LRRC4C: variants seen among roughly 807,000 people sequenced by gnomAD.
LRRC4C encodes the protein leucine-rich repeat-containing protein 4C.
Under a neutral mutation model 33.6 loss-of-function variants are expected in LRRC4C, and 5 were observed. The ratio of observed to expected loss-of-function variants is 0.15; its 90% CI spans 0.08 to 0.31. LRRC4C has a LOEUF of 0.31. Ranked by LOEUF, LRRC4C falls within the 10% of genes least tolerant of loss-of-function variation. The pLI is 1.00. For synonymous variants in LRRC4C, 329 were observed against 302.0 expected (o/e 1.09, Z -0.93); for missense variants, 560 against 796.7 (o/e 0.70, Z 3.58).
At chr11:40,207,396 A>G (rs960186881) in intron 5 of LRRC4C, among the ~76,000 whole-genome samples, 1 of 152,154 alleles carries the variant, frequency 6.6e-6, no homozygotes, top group African/African-American at 2.4e-5. Flanking sequence ...CCCAGAGTTC[A>G]AAACCAGCCC....
intron 3 of LRRC4C, among the ~76,000 whole-genome samples, chr11:40,472,012 G>C (rs1056537267): frequency 2.0e-5 from 3 of 151,954 alleles, no homozygotes; most frequent in African/African-American, 4.8e-5. Flanking sequence ...AAACTCACTC[G>C]AGGCCGGGCA....
intron 1 of LRRC4C, among the ~76,000 whole-genome samples, chr11:40,986,740 G>A (rs1853038483): frequency 6.6e-6 from 1 of 152,140 alleles, no homozygotes; most frequent in Non-Finnish European, 1.5e-5. Flanking sequence ...GAACAGTGAT[G>A]AGAATTAGAG....
At chr11:40,364,550 AG>A (rs1277818037) in intron 3 of LRRC4C, among the ~76,000 whole-genome samples, 1 of 152,114 alleles carries the variant, frequency 6.6e-6, no homozygotes, top group East Asian at 1.9e-4. Context: ...AGACTAAAAA[AG>A]CAAGCAAACG....
chr11:41,079,777 T>A (rs1397107573), intron 1 of LRRC4C, among the ~76,000 whole-genome samples: 1 of 152,142 alleles, frequency 6.6e-6, no homozygotes, highest in Non-Finnish European at 1.5e-5. Flanking sequence ...ATGAGGATTT[T>A]TTTTGTGATT....
At chr11:40,441,748 G>A (rs1951405330) in intron 3 of LRRC4C, among the ~76,000 whole-genome samples, 1 of 152,154 alleles carries the variant, frequency 6.6e-6, no homozygotes, top group Non-Finnish European at 1.5e-5. Context: ...ACATTACAGG[G>A]TTGCTGTGAA....
chr11:40,220,628 A>C (rs890321043), intron 5 of LRRC4C, among the ~76,000 whole-genome samples: 7 of 152,296 alleles, frequency 4.6e-5, no homozygotes, highest in South Asian at 2.1e-4. Context: ...TTCAAACTGA[A>C]TCTAAGCTTA....
chr11:40,925,378 C>T (rs953686431), intron 2 of LRRC4C, among the ~76,000 whole-genome samples: 1 of 152,192 alleles, frequency 6.6e-6, no homozygotes, highest in African/African-American at 2.4e-5. Context: ...AGCACACTCT[C>T]TTTCTCCATT....
chr11:40,906,338 C>A (rs1396684382), intron 2 of LRRC4C, among the ~76,000 whole-genome samples: 3 of 152,130 alleles, frequency 2.0e-5, no homozygotes, highest in Non-Finnish European at 1.5e-5. Flanking sequence ...TGGTGAAACC[C>A]CATCTCTACT....
At position 40,995,308 on chromosome 11, in the gene LRRC4C, A is replaced by G. The variant is rs149697923; in HGVS notation, c.-495-61585T>C. Among the ~76,000 whole-genome samples, 117 of 152,206 alleles carry G rather than the reference A, an allele frequency of 7.7e-4. 2 individuals carry two copies. In the East Asian group the frequency reaches 0.015, roughly 20 times the overall value. On this transcript the variant is annotated intron_variant, in intron 1 of 6. Transcript: ENST00000528697. Reference sequence around the variant, plus strand: ...GAGGGAATACCTTGTTCTTATTCATATAAAAGTGCTTAAACAGGCTAGGGT... The same window carrying G: ...GAGGGAATACCTTGTTCTTATTCATGTAAAAGTGCTTAAACAGGCTAGGGT...
intron 1 of LRRC4C, among the ~76,000 whole-genome samples, chr11:41,028,988 G>A (rs866812789): frequency 6.6e-5 from 10 of 151,526 alleles, no homozygotes; most frequent in Admixed American, 2.0e-4. Flanking sequence ...ATACATTCAC[G>A]TATATATGTC....
chr11:40,323,229 G>A (rs899474985), intron 3 of LRRC4C, among the ~76,000 whole-genome samples: 3 of 152,100 alleles, frequency 2.0e-5, no homozygotes, highest in African/African-American at 7.2e-5. Context: ...AAGTTCACTT[G>A]TTTTCTTAAT....
At chr11:41,167,014 A>G (rs1007642125) in intron 1 of LRRC4C, among the ~76,000 whole-genome samples, 2 of 152,172 alleles carry the variant, frequency 1.3e-5, no homozygotes, top group Non-Finnish European at 2.9e-5. Flanking sequence ...TCAGAGCTTT[A>G]TGTGTTTTAT....
At chr11:40,876,066 T>A (rs1218183937) in intron 2 of LRRC4C, among the ~76,000 whole-genome samples, 1 of 152,106 alleles carries the variant, frequency 6.6e-6, no homozygotes, top group African/African-American at 2.4e-5. Context: ...ATTTTCAGTA[T>A]TTTTGTGGCA....
chr11:41,413,906 C>T (rs1277591156), intron 1 of LRRC4C, among the ~76,000 whole-genome samples: 1 of 152,158 alleles, frequency 6.6e-6, no homozygotes, highest in Non-Finnish European at 1.5e-5. Context: ...CTATGGTAAT[C>T]ACTAAATGAG....
intron 2 of LRRC4C, among the ~76,000 whole-genome samples, chr11:40,850,060 G>A: frequency 6.6e-6 from 1 of 151,720 alleles, no homozygotes. Flanking sequence ...TAGCTTCCTT[G>A]CATTGGGTTA....
chr11:40,211,847 C>G (rs1056748262), intron 5 of LRRC4C, among the ~76,000 whole-genome samples: 1 of 152,128 alleles, frequency 6.6e-6, no homozygotes, highest in African/African-American at 2.4e-5. Context: ...ATGGCTGGAG[C>G]TTTAGCGGTC....
rs909612902 is a variant in LRRC4C at position 40,713,897 on chromosome 11, C to T, written c.-406-65619G>A. On this transcript the variant is annotated intron_variant, in intron 2 of 6. Transcript: ENST00000528697. ...TATGTATGCCCTCTTCAATTCCCAT[C>T]GCTATAGAAGAGGGATCATCTGTGT... is the stretch of plus-strand genomic sequence containing the variant. Among the ~76,000 whole-genome samples the T allele has an allele frequency of 2.0e-5, 3 of 152,166 alleles. 1 individual carries two copies. The highest frequency in any genetic ancestry group is 1.3e-4 in the Admixed American group (2 of 15,274).
rs150867152 is a variant in LRRC4C at position 40,746,214 on chromosome 11, C to G, written c.-406-97936G>C. Among the ~76,000 whole-genome samples, 157 of 152,230 alleles carry G rather than the reference C, an allele frequency of 1.0e-3. 1 individual carries two copies. Among genetic ancestry groups the G allele is most frequent in the African/African-American group, 3.5e-3 (146 of 41,554 alleles). ...GAGAAGTCCTCAACCTTTGCAGGCC[C>G]TAAAACTAACACTAGGAGCTGTCAG... On this transcript the variant is annotated intron_variant, in intron 2 of 6. Transcript: ENST00000528697.
At chr11:40,238,447 CCACA>C (rs1865713410) in intron 5 of LRRC4C, among the ~76,000 whole-genome samples, 1 of 152,130 alleles carries the variant, frequency 6.6e-6, no homozygotes, top group Non-Finnish European at 1.5e-5. Flanking sequence ...CCAGATAATA[CCACA>C]GCCCCGTTCT....
Sources: allele counts gnomAD v4.1 joint callset (sites outside exome capture counted in the v4.1 genomes callset), GRCh38; gene constraint gnomAD v4.1.1; transcripts MANE v1.5; gene names NCBI Gene and HGNC (gene_info 2026-07-23, HGNC 2026-07-21).